The following NIN variants were observed in gnomAD, a reference collection of about 807,000 sequenced individuals.
NIN encodes glycogen synthase kinase 3 beta-interacting protein.
A neutral mutation model predicts 257.6 loss-of-function variants in NIN; 137 were observed. The ratio of observed to expected loss-of-function variants is 0.53; its 90% CI spans 0.46 to 0.61. The LOEUF (loss-of-function observed/expected upper bound fraction) is 0.61, where lower values mean the gene tolerates loss of function less well. NIN is among the 20% of genes least tolerant of loss of function. The pLI is 0.00. For synonymous variants in NIN, 918 were observed against 919.8 expected, an observed-to-expected ratio of 1.00 and a Z score of 0.04; for missense variants, 2,439 against 2,501.2, an observed-to-expected ratio of 0.98 and a Z score of 0.53.
chr14:50,765,943 C>T (rs1392372950), intron 14 of NIN, among the ~76,000 whole-genome samples: 3 of 151,506 alleles, frequency 2.0e-5, no homozygotes, highest in African/African-American at 7.3e-5. Flanking sequence ...TGGTGCGCTG[C>T]ACCCACTAAC....
In NIN at chr14:50,754,732, T is replaced by C. The variant is rs377406642; in HGVS notation, c.4664+10A>G. 1 of 1,584,056 alleles carries C rather than the reference T, an allele frequency of 6.3e-7. No individual in the cohort carries two copies. Among genetic ancestry groups the C allele is most frequent in the African/African-American group, 1.4e-5 (1 of 73,962 alleles). On this transcript the variant is annotated intron_variant, in intron 19 of 30. Transcript: ENST00000530997. Reference sequence around the variant, plus strand: ...AAAATGTCTTAGGAAAATGTAAGTATACGTCTTACCACATTTCTTCCTGAG... The same window carrying C: ...AAAATGTCTTAGGAAAATGTAAGTACACGTCTTACCACATTTCTTCCTGAG...
intron 15 of NIN, 55 bp downstream of exon 15, chr14:50,763,771 C>T (rs751453495): frequency 1.0e-4 from 150 of 1,505,400 alleles, no homozygotes; most frequent in Non-Finnish European, 1.3e-4. Flanking sequence ...TATTGAACCA[C>T]GTTTCTAAAA....
chr14:50,727,890 C>T (rs1018348420), intron 29 of NIN: 10 of 546,066 alleles, frequency 1.8e-5, no homozygotes, highest in Middle Eastern at 4.2e-4. Context: ...CAAAGCAACA[C>T]AAAATGCAGA....
intron 24 of NIN, among the ~76,000 whole-genome samples, chr14:50,742,561 T>C (rs2041340906): frequency 6.6e-6 from 1 of 151,810 alleles, no homozygotes; most frequent in Admixed American, 6.6e-5. Context: ...GCTCGGCTAA[T>C]TTTTTTGTAT....
chr14:50,818,183 T>C (rs962488550), intron 3 of NIN, among the ~76,000 whole-genome samples: 27 of 150,514 alleles, frequency 1.8e-4, no homozygotes, highest in African/African-American at 5.6e-4. Flanking sequence ...ATTAGCCGGG[T>C]GTGTTGGTGG....
intron 28 of NIN, chr14:50,730,788 A>T: frequency 2.0e-6 from 1 of 505,908 alleles, no homozygotes; most frequent in Non-Finnish European, 2.9e-6. Flanking sequence ...GACATATTAT[A>T]CCATTAAAAC....
intron 20 of NIN, 127 bp downstream of exon 20, chr14:50,754,436 A>G: frequency 2.7e-6 from 2 of 750,488 alleles, no homozygotes; most frequent in Non-Finnish European, 4.3e-6. Context: ...TTTCAAATTC[A>G]GAATTTACAA....
Position 50,757,890 on chromosome 14 carries a change from T to G in NIN, c.3140A>C (p.Asp1047Ala). 6.2e-7 allele frequency: 1 copy of G among 1,614,102 alleles called. No individual in the cohort carries two copies. The highest frequency in any genetic ancestry group is 8.5e-7 in the Non-Finnish European group (1 of 1,180,012). Residue 1047 changes from aspartate (D) to alanine (A), a missense_variant, in exon 18 of 31, where the codon GAT (aspartate) becomes GCT (alanine). Asp to Ala is a moderately radical substitution (Grantham distance 126). This residue lies in a region of NIN where 2,043 missense variants were observed against 2,050.2 expected (regional missense o/e 1.00). Transcript: ENST00000530997. Reference protein sequence around the residue: ...QVIGEEEVEGDGALSLLQQGE... With the variant: ...QVIGEEEVEGAGALSLLQQGE... ...TTGCTGAAGCAGGGACAGGGCTCCA[T>G]CTCCTTCCACCTCCTCCTCTCCTAT...
At chr14:50,824,368 T>C (rs1250058570) in intron 2 of NIN, among the ~76,000 whole-genome samples, 1 of 152,142 alleles carries the variant, frequency 6.6e-6, no homozygotes, top group Non-Finnish European at 1.5e-5. Context: ...CAGCTTTCTT[T>C]TCTTTATCTC....
chr14:50,756,345 C>T (rs753600848), intron 18 of NIN, 147 bp downstream of exon 18: 51 of 813,220 alleles, frequency 6.3e-5, no homozygotes, highest in South Asian at 1.1e-4. Flanking sequence ...TTTGTTAATA[C>T]GGCACAGAAG....
intron 4 of NIN, among the ~76,000 whole-genome samples, chr14:50,805,765 T>A (rs1255065829): frequency 6.6e-6 from 1 of 152,176 alleles, no homozygotes; most frequent in Admixed American, 6.5e-5. Context: ...TAGAGTAAAT[T>A]TAATCCTTTC....
intron 2 of NIN, among the ~76,000 whole-genome samples, chr14:50,829,515 C>A (rs2045604650): frequency 6.6e-6 from 1 of 152,178 alleles, no homozygotes; most frequent in South Asian, 2.1e-4. Flanking sequence ...TATCAGGATT[C>A]TCATCCTACA....
chr14:50,822,785 G>A (rs2045287035), intron 2 of NIN, among the ~76,000 whole-genome samples: 1 of 152,230 alleles, frequency 6.6e-6, no homozygotes, highest in South Asian at 2.1e-4. Context: ...GCAATTACAT[G>A]AGGTGTGACG....
rs370926505 is a variant in NIN, at chr14:50,827,756, CA to C, written c.-22+2707del. Among the ~76,000 whole-genome samples, 49 of 107,112 alleles carry C rather than the reference CA, an allele frequency of 4.6e-4. No individual in the cohort carries two copies. The South Asian group carries it at 5.0e-3, about 11-fold the overall frequency. The allele number at this position is 107,112 out of a possible 152,430, so 70.3% of individuals were successfully genotyped here. A position where few individuals can be genotyped will look rare whatever the true frequency, so the allele number is the denominator to read the frequency against. ...CAGGAGAGAGCGAGAGACTCCGTAT[CA>C]AAAAAAAAAAAAAAAAGAAAGAAAA... is the stretch of plus-strand genomic sequence containing the variant. On this transcript the variant is annotated intron_variant, in intron 2 of 30. Transcript: ENST00000530997.
At chr14:50,808,938 T>C (rs946792062) in intron 3 of NIN, among the ~76,000 whole-genome samples, 1 of 152,134 alleles carries the variant, frequency 6.6e-6, no homozygotes, top group African/African-American at 2.4e-5. Context: ...ATCAGGGCCA[T>C]GGCCAGGCAC....
chr14:50,726,152 G>A, intron 29 of NIN, 86 bp from the exon 30 acceptor site: 2 of 1,042,242 alleles, frequency 1.9e-6, no homozygotes, highest in Non-Finnish European at 2.9e-6. Context: ...CTAGAGAAAG[G>A]ACAGCAAATG....
chr14:50,750,958 A>C, intron 21 of NIN, among the ~76,000 whole-genome samples: 1 of 152,230 alleles, frequency 6.6e-6, no homozygotes, highest in East Asian at 1.9e-4. Flanking sequence ...TCTTTTGCAC[A>C]AATGAGCAGA....
In NIN at chr14:50,821,976, G is replaced by A. The variant is rs1407594781; in HGVS notation, c.81C>T (p.Ser27=). 6.2e-7 allele frequency: 1 copy of A among 1,614,026 alleles called. No individual in the cohort carries two copies. Among genetic ancestry groups the A allele is most frequent in the African/African-American group, 1.3e-5 (1 of 74,900 alleles). ...FDSFDTTGTG[S]LGQEELTDLC... ...GGTCGGTGAGTTCCTCCTGCCCCAGGGACCCTGTGCCCGTCGTGTCAAAAC... is the reference window on the plus strand; with the variant it reads ...GGTCGGTGAGTTCCTCCTGCCCCAGAGACCCTGTGCCCGTCGTGTCAAAAC... The change falls in exon 3 of 31, where the codon TCC becomes TCT. Residue 27 remains serine, a synonymous_variant. Coordinates refer to ENST00000530997, the MANE Select transcript of NIN (RefSeq NM_020921.4).
rs1325826380 is a variant in NIN, at chr14:50,757,210, C to T, written c.3820G>A (p.Asp1274Asn). ...TCTTTGTTATTTTCTAGTGCCTCATCGTAGCGTGTCTCCATCATTCTCAGC... is the reference window on the plus strand; with the variant it reads ...TCTTTGTTATTTTCTAGTGCCTCATTGTAGCGTGTCTCCATCATTCTCAGC... The part of the protein sequence containing the change: ...EELRMMETRY[D>N]EALENNKELT... The change falls in exon 18 of 31, where the codon GAT (aspartate) becomes AAT (asparagine). Residue 1274 changes from aspartate to asparagine, a missense_variant. Physicochemically the swap from Asp to Asn is conservative, Grantham distance 23 (BLOSUM62 1). This residue lies in a region of NIN where 2,043 missense variants were observed against 2,050.2 expected (regional missense o/e 1.00). Coordinates refer to ENST00000530997, the MANE Select transcript of NIN (RefSeq NM_020921.4). The T allele has an allele frequency of 5.6e-6, 9 of 1,614,062 alleles. No homozygotes were observed. The highest frequency in any genetic ancestry group is 1.7e-5 in the Admixed American group (1 of 60,000).
Sources: allele counts gnomAD v4.1 joint callset (sites outside exome capture counted in the v4.1 genomes callset), GRCh38; gene constraint gnomAD v4.1.1; regional missense constraint gnomAD v4.1.1; transcripts MANE v1.5; gene names NCBI Gene and HGNC (gene_info 2026-07-23, HGNC 2026-07-21).